The following EPB41L4B variants were observed in gnomAD, a reference collection of about 807,000 sequenced individuals.
The protein encoded by EPB41L4B is band 4.1-like protein 4B.
Under a neutral mutation model 112.5 loss-of-function variants are expected in EPB41L4B, and 30 were observed. The observed-to-expected ratio is 0.27, with a 90% CI of 0.20 to 0.36. The LOEUF is 0.36. Ranked by LOEUF, EPB41L4B falls within the 10% of genes least tolerant of loss-of-function variation. The pLI is 1.00. For synonymous variants in EPB41L4B, 408 were observed against 439.7 expected (o/e 0.93, Z 0.90); for missense variants, 1,024 against 1,133.3 (o/e 0.90, Z 1.38).
At chr9:109,251,182 T>C (rs1371866353) in intron 13 of EPB41L4B, among the ~76,000 whole-genome samples, 2 of 152,278 alleles carry the variant, frequency 1.3e-5, no homozygotes, top group African/African-American at 4.8e-5. Context: ...TGCCACGCCA[T>C]GAGCACAGTG....
At chr9:109,296,889 A>AT (rs1836751062) in intron 1 of EPB41L4B, among the ~76,000 whole-genome samples, 1 of 151,414 alleles carries the variant, frequency 6.6e-6, no homozygotes, top group Non-Finnish European at 1.5e-5. Context: ...AAAAAAAAAA[A>AT]ATGAGGGAGG....
chr9:109,238,967 G>A (rs1358327215), intron 15 of EPB41L4B, among the ~76,000 whole-genome samples: 1 of 152,242 alleles, frequency 6.6e-6, no homozygotes, highest in Non-Finnish European at 1.5e-5. Flanking sequence ...GAGACACGGA[G>A]TGGGGAATTC....
intron 7 of EPB41L4B, 25 bp from the exon 8 acceptor site, chr9:109,256,505 T>C (rs1381430650): frequency 1.9e-6 from 3 of 1,601,130 alleles, no homozygotes; most frequent in Admixed American, 1.7e-5. Flanking sequence ...TGGAAATACA[T>C]GTAAACTGCG....
At chr9:109,226,664 G>T (rs1588150339) in intron 15 of EPB41L4B, among the ~76,000 whole-genome samples, 1 of 76,082 alleles carries the variant, frequency 1.3e-5, no homozygotes, top group Admixed American at 1.6e-4. Context: ...ATATATATAT[G>T]AAGAATATAT....
intron 16 of EPB41L4B, among the ~76,000 whole-genome samples, chr9:109,215,920 T>C (rs558407294): frequency 4.0e-5 from 6 of 151,280 alleles, no homozygotes; most frequent in Non-Finnish European, 7.4e-5. Context: ...AGCCCAAGAG[T>C]TCAAGACCAT....
intron 22 of EPB41L4B, among the ~76,000 whole-genome samples, chr9:109,191,107 G>T (rs959009015): frequency 1.3e-5 from 2 of 152,314 alleles, no homozygotes; most frequent in Middle Eastern, 6.8e-3. Context: ...GGGAGAAGCA[G>T]ATGGCTGGAG....
chr9:109,303,273 TTC>T (rs1441625782), intron 1 of EPB41L4B, among the ~76,000 whole-genome samples: 1 of 152,160 alleles, frequency 6.6e-6, no homozygotes, highest in Non-Finnish European at 1.5e-5. Context: ...AATTTTTAAA[TTC>T]TTTAATCAAT....
chr9:109,231,970 C>G (rs1214186865), intron 15 of EPB41L4B, among the ~76,000 whole-genome samples: 1 of 151,408 alleles, frequency 6.6e-6, no homozygotes, highest in Non-Finnish European at 1.5e-5. Context: ...ACAGTCACTT[C>G]TAATAAGCTA....
intron 4 of EPB41L4B, 80 bp from the exon 5 acceptor site, chr9:109,265,104 C>T: frequency 9.2e-7 from 1 of 1,088,124 alleles, no homozygotes; most frequent in Non-Finnish European, 1.3e-6. Context: ...CTGCAAACCC[C>T]ACCCCACACA....
rs184377577 is a variant in EPB41L4B at position 109,250,557 on chromosome 9, C to T, written c.1310+924G>A. On this transcript the variant is annotated intron_variant, in intron 13 of 25. Coordinates refer to ENST00000374566, the MANE Select transcript of EPB41L4B (RefSeq NM_019114.5). The stretch of plus-strand genomic sequence containing the variant: ...GTTCTCTCACATGACAGCTTGTCTA[C>T]TCAACAAGCCAAAACTCACATAAGA... Among the ~76,000 whole-genome samples, 4 of 152,326 alleles carry T rather than the reference C, an allele frequency of 2.6e-5. No homozygotes were observed. The East Asian group carries it at 7.7e-4, about 29-fold the overall frequency.
chr9:109,319,328 G>A (rs1177076302), intron 1 of EPB41L4B, among the ~76,000 whole-genome samples: 1 of 152,152 alleles, frequency 6.6e-6, no homozygotes, highest in Non-Finnish European at 1.5e-5. Context: ...CGCAGGCCCA[G>A]GCGCCGCCGC....
intron 13 of EPB41L4B, among the ~76,000 whole-genome samples, 180 bp downstream of exon 13, chr9:109,251,301 C>T (rs912083609): frequency 6.6e-6 from 1 of 152,206 alleles, no homozygotes; most frequent in Non-Finnish European, 1.5e-5. Flanking sequence ...TGTCTTGGAA[C>T]ATTATATTGT....
At chr9:109,300,274 C>CCT (rs2119215763) in intron 1 of EPB41L4B, 1 of 152,244 alleles carries the variant, frequency 6.6e-6, no homozygotes, top group East Asian at 1.9e-4. Context: ...CAAATCTTTC[C>CCT]CTCAATGGAC....
At chr9:109,228,528 G>A (rs779468151) in intron 15 of EPB41L4B, among the ~76,000 whole-genome samples, 7 of 152,194 alleles carry the variant, frequency 4.6e-5, no homozygotes, top group Non-Finnish European at 5.9e-5. Context: ...TCAAAAAGCA[G>A]TAAAATATTT....
intron 6 of EPB41L4B, among the ~76,000 whole-genome samples, chr9:109,262,029 T>C (rs1835223094): frequency 6.6e-6 from 1 of 152,170 alleles, no homozygotes; most frequent in Non-Finnish European, 1.5e-5. Context: ...ACATTAGTAT[T>C]CTCTTAATTA....
At chr9:109,258,349 T>C (rs1192724462) in intron 6 of EPB41L4B, 52 bp from the exon 7 acceptor site, 11 of 1,592,172 alleles carry the variant, frequency 6.9e-6, no homozygotes, top group African/African-American at 1.3e-5. Context: ...TGATTTCAGT[T>C]ATTGCTGCAA....
intron 1 of EPB41L4B, among the ~76,000 whole-genome samples, chr9:109,301,477 C>A (rs1836964135): frequency 2.6e-5 from 4 of 152,260 alleles, no homozygotes; most frequent in Middle Eastern, 6.8e-3. Flanking sequence ...TTCTCATCTC[C>A]CCAGAAAGTT....
chr9:109,262,159 C>A (rs1051373484), intron 6 of EPB41L4B, among the ~76,000 whole-genome samples: 1 of 152,154 alleles, frequency 6.6e-6, no homozygotes, highest in African/African-American at 2.4e-5. Flanking sequence ...ATCCAGTTCC[C>A]ACTCACATGC....
intron 1 of EPB41L4B, among the ~76,000 whole-genome samples, chr9:109,292,523 G>T (rs1836570954): frequency 6.6e-6 from 1 of 152,158 alleles, no homozygotes; most frequent in African/African-American, 2.4e-5. Context: ...CTCATGAATG[G>T]GAATGGGAGG....
Sources: allele counts gnomAD v4.1 joint callset (sites outside exome capture counted in the v4.1 genomes callset), GRCh38; gene constraint gnomAD v4.1.1; transcripts MANE v1.5; gene names NCBI Gene and HGNC (gene_info 2026-07-23, HGNC 2026-07-21).